Variants in UCHL1 observed in about 807,000 individuals in gnomAD.
The protein encoded by UCHL1 is ubiquitin carboxyl-terminal hydrolase isozyme L1.
UCHL1 carries 5 observed loss-of-function variants against 33.3 expected under a neutral mutation model. The ratio of observed to expected loss-of-function variants is 0.15; its 90% CI spans 0.08 to 0.32. The LOEUF (loss-of-function observed/expected upper bound fraction) is 0.32, where lower values mean the gene tolerates loss of function less well. Ranked by LOEUF, UCHL1 falls within the 10% of genes least tolerant of loss-of-function variation. The pLI is 1.00. For missense variants in UCHL1, 236 were observed against 280.0 expected, an observed-to-expected ratio of 0.84 and a Z score of 1.12; for synonymous variants, 132 against 108.8, an observed-to-expected ratio of 1.21 and a Z score of -1.33.
intron 6 of UCHL1, among the ~76,000 whole-genome samples, 167 bp downstream of exon 6, chr4:41,262,090 A>G (rs894419016): frequency 6.6e-6 from 1 of 152,218 alleles, no homozygotes; most frequent in Admixed American, 6.5e-5. Flanking sequence ...TGTTCATAAA[A>G]AAAGTTTTCT....
chr4:41,260,468 C>CGTGG, intron 3 of UCHL1, among the ~76,000 whole-genome samples, 179 bp from the exon 4 acceptor site: 1 of 152,262 alleles, frequency 6.6e-6, no homozygotes, highest in African/African-American at 2.4e-5. Flanking sequence ...CACTGGCTGG[C>CGTGG]GTGGGTGGTG....
Position 41,257,134 on chromosome 4 carries a change from G to A in UCHL1, c.45+8G>A. 1 of 1,612,596 alleles carries A rather than the reference G, an allele frequency of 6.2e-7. No homozygotes were observed. The highest frequency in any genetic ancestry group is 8.5e-7 in the Non-Finnish European group (1 of 1,179,868). On this transcript the variant is annotated splice_region_variant and intron_variant, in intron 2 of 8. Transcript: ENST00000284440. ...TTTCAGATGCTGAACAAAGTGAGTG[G>A]CGTCTCGCGCCGTCTCTGGCCCCCT...
chr4:41,260,150 G>A (rs889038038), intron 3 of UCHL1, among the ~76,000 whole-genome samples: 1 of 152,158 alleles, frequency 6.6e-6, no homozygotes, highest in African/African-American at 2.4e-5. Context: ...AGTTAAGGCC[G>A]TTTTTGTTTT....
rs1264150418 is a variant in UCHL1, at chr4:41,257,629, C to A, written c.66C>A (p.Val22=). Residue 22 remains valine (V), a synonymous_variant, in exon 3 of 9, where the codon GTC becomes GTA. Transcript: ENST00000284440. The part of the protein sequence containing the change: ...MLNKVLSRLG[V]AGQWRFVDVL... Reference sequence around the variant, plus strand: ...CGCAGGTGCTGTCCCGGCTGGGGGTCGCCGGCCAGTGGCGCTTCGTGGACG... The same window carrying A: ...CGCAGGTGCTGTCCCGGCTGGGGGTAGCCGGCCAGTGGCGCTTCGTGGACG... The A allele has an allele frequency of 5.1e-6, 8 of 1,555,320 alleles. No homozygotes were observed. In the East Asian group the frequency reaches 1.9e-4, roughly 37 times the overall value.
intron 3 of UCHL1, among the ~76,000 whole-genome samples, chr4:41,258,853 G>A (rs574303412): frequency 6.6e-6 from 1 of 152,250 alleles, no homozygotes; most frequent in East Asian, 1.9e-4. Context: ...CTTTTACTTG[G>A]GCTAAAAGGA....
intron 3 of UCHL1, among the ~76,000 whole-genome samples, chr4:41,259,761 C>T (rs980457842): frequency 1.2e-4 from 19 of 152,166 alleles, no homozygotes; most frequent in African/African-American, 4.6e-4. Flanking sequence ...AACTTCTGAG[C>T]TCAAGTGATC....
chr4:41,263,995 G>C, intron 7 of UCHL1, 108 bp from the exon 8 acceptor site: 1 of 1,430,876 alleles, frequency 7.0e-7, no homozygotes, highest in Non-Finnish European at 9.9e-7. Context: ...CCTTCTGTGG[G>C]TTTGGCAGTG....
chr4:41,257,884 G>C lies in UCHL1; in HGVS notation c.174+147G>C, dbSNP rs190746690. On this transcript the variant is annotated intron_variant, in intron 3 of 8. Coordinates refer to ENST00000284440, the MANE Select transcript of UCHL1 (RefSeq NM_004181.5). ...GAAGGGAGGAGCCTGCATTTTCGTG[G>C]TACCTACTCCCTGGGCTCCTGTTCC... is the stretch of plus-strand genomic sequence containing the variant. 125 of 1,261,542 alleles carry C rather than the reference G, an allele frequency of 9.9e-5. No individual in the cohort carries two copies. In the African/African-American group the frequency reaches 1.5e-3, roughly 15 times the overall value. The allele number at this position is 1,261,542 out of a possible 1,614,324, so 78.1% of individuals were successfully genotyped here. A position where few individuals can be genotyped will look rare whatever the true frequency, so the allele number is the denominator to read the frequency against.
At chr4:41,266,907 C>G (rs902356804) in intron 8 of UCHL1, among the ~76,000 whole-genome samples, 5 of 152,160 alleles carry the variant, frequency 3.3e-5, no homozygotes, top group Non-Finnish European at 1.5e-5. Context: ...CTGGCCCAAA[C>G]TCATTGAGTT....
Position 41,256,953 on chromosome 4 carries a change from A to T in UCHL1, c.-24A>T. The T allele has an allele frequency of 6.2e-7, 1 of 1,613,866 alleles. No homozygotes were observed. The highest frequency in any genetic ancestry group is 2.2e-5 in the East Asian group (1 of 44,844). On this transcript the variant is annotated 5_prime_UTR_variant, in exon 1 of 9. Coordinates refer to ENST00000284440, the MANE Select transcript of UCHL1 (RefSeq NM_004181.5). ...AGCTGTTTTTCGTCTTCCCTAGGCT[A>T]TTTCTGCCGGGCGCTCCGCGAAGAT... is the stretch of plus-strand genomic sequence containing the variant.
At chr4:41,261,641 G>C in intron 4 of UCHL1, 74 bp from the exon 5 acceptor site, 1 of 1,519,756 alleles carries the variant, frequency 6.6e-7, no homozygotes, top group Non-Finnish European at 9.0e-7. Flanking sequence ...GTTCAGCAAA[G>C]GCTTAAGTCA....
At position 41,261,932 on chromosome 4, in the gene UCHL1, A is replaced by C. The variant is rs1781075406; in HGVS notation, c.459+9A>C. ...AGGAAGGCCAATGTCGGGTAAATGCAAATACAAATCGGAGCCAGGCTGCCT... is the reference window on the plus strand; with the variant it reads ...AGGAAGGCCAATGTCGGGTAAATGCCAATACAAATCGGAGCCAGGCTGCCT... On this transcript the variant is annotated intron_variant, in intron 6 of 8. Transcript: ENST00000284440. The C allele has an allele frequency of 6.2e-7, 1 of 1,613,926 alleles. No homozygotes were observed. The highest frequency in any genetic ancestry group is 1.1e-5 in the South Asian group (1 of 91,066).
intron 4 of UCHL1, among the ~76,000 whole-genome samples, chr4:41,261,283 A>G (rs577450880): frequency 6.6e-6 from 1 of 152,320 alleles, no homozygotes; most frequent in Admixed American, 6.5e-5. Flanking sequence ...TTATAGCGTC[A>G]TGTATATAAT....
intron 5 of UCHL1, 36 bp downstream of exon 5, chr4:41,261,836 T>G: frequency 6.2e-7 from 1 of 1,614,072 alleles, no homozygotes; most frequent in Non-Finnish European, 8.5e-7. Flanking sequence ...TTTAAATAAC[T>G]CTAGAGATTT....
At chr4:41,263,315 A>T in intron 7 of UCHL1, 24 bp downstream of exon 7, 1 of 1,608,056 alleles carries the variant, frequency 6.2e-7, no homozygotes, top group Non-Finnish European at 8.5e-7. Flanking sequence ...CATTTTTGGA[A>T]CCCAGTGTAG....
At chr4:41,261,583 T>C in intron 4 of UCHL1, 132 bp from the exon 5 acceptor site, 1 of 937,292 alleles carries the variant, frequency 1.1e-6, no homozygotes, top group Non-Finnish European at 1.7e-6. Context: ...AAGGTACAGC[T>C]CATCCACAAC....
Position 41,257,717 on chromosome 4 carries a change from C to CT in UCHL1, c.155dup (p.Phe53ValfsTer8). 1 of 1,580,884 alleles carries CT rather than the reference C, an allele frequency of 6.3e-7. No homozygotes were observed. On this transcript the variant is annotated frameshift_variant, in exon 3 of 9. Transcript: ENST00000284440. LOFTEE classifies it high-confidence loss of function. The stretch of plus-strand genomic sequence containing the variant: ...AGCGCCTGCCTGCGCGCTGCTGCTG[C>CT]TGTTTCCCCTCACGGCCCAGGTAGG...
Position 41,264,264 on chromosome 4 carries a change from G to A in UCHL1, c.585+103G>A. The A allele has an allele frequency of 3.4e-6, 5 of 1,469,286 alleles. 1 individual carries two copies. Among genetic ancestry groups the A allele is most frequent in the Non-Finnish European group, 4.8e-6 (5 of 1,051,034 alleles). 91.0% of individuals were successfully genotyped at this position (1,469,286 alleles called of 1,614,324 possible). The stretch of plus-strand genomic sequence containing the variant: ...TCTTCCAGTATAGCCAGCATCAGTT[G>A]CCTGGGTTAATAGCAGTCTTTAGGG... On this transcript the variant is annotated intron_variant, in intron 8 of 8. Transcript: ENST00000284440.
At chr4:41,260,885 C>CTG (rs375380040) in intron 4 of UCHL1, 88 bp downstream of exon 4, 2 of 1,583,456 alleles carry the variant, frequency 1.3e-6, no homozygotes, top group African/African-American at 2.7e-5. Context: ...GTCAGAGATG[C>CTG]TGTACCTTTT....
Sources: gnomAD v4.1 joint callset for allele counts (sites outside exome capture counted in the v4.1 genomes callset) on GRCh38, gnomAD v4.1.1 for gene constraint, MANE v1.5 for transcripts, NCBI Gene and HGNC (gene_info 2026-07-23, HGNC 2026-07-21) for gene names.